Variants in SORCS2 observed in about 807,000 individuals in gnomAD.
SORCS2 encodes the protein sortilin related VPS10 domain containing receptor 2, also known as VPS10 domain-containing receptor SorCS2.
SORCS2 carries 100 observed loss-of-function variants against 141.6 expected under a neutral mutation model. The observed-to-expected ratio is 0.71, with a 90% CI of 0.60 to 0.83. The LOEUF (loss-of-function observed/expected upper bound fraction) is 0.83, where lower values mean the gene tolerates loss of function less well. Among genes scored for constraint, SORCS2 ranks in the 40% least tolerant of loss-of-function variants. The pLI, the probability that SORCS2 is intolerant of heterozygous loss-of-function variation, is 0.00. For synonymous variants in SORCS2, 789 were observed against 676.9 expected (o/e 1.17, Z -2.57); for missense variants, 1,646 against 1,560.2 (o/e 1.05, Z -0.93).
intron 1 of SORCS2, among the ~76,000 whole-genome samples, chr4:7,299,824 T>C (rs1214357889): frequency 6.6e-6 from 1 of 152,162 alleles, no homozygotes; most frequent in African/African-American, 2.4e-5. Context: ...CTCTCTGTGT[T>C]CCCATCTTAC....
intron 1 of SORCS2, among the ~76,000 whole-genome samples, chr4:7,302,328 G>A (rs1185808654): frequency 6.6e-6 from 1 of 152,222 alleles, no homozygotes; most frequent in African/African-American, 2.4e-5. Context: ...TAGTGGCTGT[G>A]CAGTGGTTCC....
At chr4:7,355,542 C>T (rs6842626) in intron 1 of SORCS2, among the ~76,000 whole-genome samples, 152,211 of 152,238 alleles carry the variant, frequency 1, 76,092 homozygotes, top group Non-Finnish European at 1. Flanking sequence ...GCCTTCACCG[C>T]GTGGCTCTGC....
intron 1 of SORCS2, among the ~76,000 whole-genome samples, chr4:7,319,028 A>G (rs1450099060): frequency 6.6e-6 from 1 of 152,154 alleles, no homozygotes; most frequent in Non-Finnish European, 1.5e-5. Context: ...AGCATAATGC[A>G]TTTGCAATTC....
chr4:7,305,795 C>A (rs573241646), intron 1 of SORCS2, among the ~76,000 whole-genome samples: 1 of 152,172 alleles, frequency 6.6e-6, no homozygotes, highest in Admixed American at 6.5e-5. Context: ...GGGCTGGGCC[C>A]GGGCACGCCC....
chr4:7,257,276 G>A (rs1166081279), intron 1 of SORCS2, among the ~76,000 whole-genome samples: 1 of 151,534 alleles, frequency 6.6e-6, no homozygotes, highest in Non-Finnish European at 1.5e-5. Context: ...GGCGCCAGGA[G>A]TGCCCACCAA....
chr4:7,639,025 G>C (rs970928237), intron 4 of SORCS2, among the ~76,000 whole-genome samples: 21 of 152,260 alleles, frequency 1.4e-4, no homozygotes, highest in African/African-American at 5.1e-4. Flanking sequence ...GGGGGAGCGG[G>C]GGGCCAGCCT....
chr4:7,228,660 T>G (rs1711580614), intron 1 of SORCS2, among the ~76,000 whole-genome samples: 1 of 152,038 alleles, frequency 6.6e-6, no homozygotes. Flanking sequence ...CTGAGGGCAC[T>G]CAGGACCTGA....
At position 7,531,080 on chromosome 4, in the gene SORCS2, G is replaced by T. The variant is rs550525679; in HGVS notation, c.549-450G>T. Among the ~76,000 whole-genome samples the T allele has an allele frequency of 2.6e-5, 4 of 152,224 alleles. No homozygotes were observed. The South Asian group carries it at 8.3e-4, about 32-fold the overall frequency. ...AGCAGATAGGCCACAGGAATGCCTC[G>T]GCACAGCCACCAGCCTGAAATCAGA... On this transcript the variant is annotated intron_variant, in intron 2 of 26. Coordinates refer to ENST00000507866, the MANE Select transcript of SORCS2 (RefSeq NM_020777.3).
chr4:7,585,431 G>A (rs2108765735), intron 3 of SORCS2, among the ~76,000 whole-genome samples: 1 of 152,294 alleles, frequency 6.6e-6, no homozygotes, highest in South Asian at 2.1e-4. Flanking sequence ...GGGCCCTCAG[G>A]AGGTGACCTG....
At chr4:7,565,233 C>G (rs562720449) in intron 3 of SORCS2, among the ~76,000 whole-genome samples, 2 of 152,204 alleles carry the variant, frequency 1.3e-5, no homozygotes, top group South Asian at 4.2e-4. Flanking sequence ...AAACAACTTC[C>G]CCGGCTGACC....
At chr4:7,235,402 T>C (rs913274378) in intron 1 of SORCS2, among the ~76,000 whole-genome samples, 18 of 152,304 alleles carry the variant, frequency 1.2e-4, no homozygotes, top group African/African-American at 4.3e-4. Context: ...GAGCAAGAAA[T>C]GGAGGCTCAG....
rs1389738946 is a variant in SORCS2 at position 7,664,778 on chromosome 4, C to T, written c.1071+307C>T. Among the ~76,000 whole-genome samples the T allele has an allele frequency of 1.3e-5, 2 of 152,150 alleles. No homozygotes were observed. Among genetic ancestry groups the T allele is most frequent in the African/African-American group, 4.8e-5 (2 of 41,444 alleles). On this transcript the variant is annotated intron_variant, in intron 7 of 26. Coordinates refer to ENST00000507866, the MANE Select transcript of SORCS2 (RefSeq NM_020777.3). This position sits in a 1 kb window ranked among gnomAD's most constrained non-coding sequence, Gnocchi z 4.7. ...TAGCCCCATTTGGCTTTATCAGTGA[C>T]TTTGGAACTGACCAGGACTGCTTCT...
At chr4:7,558,270 G>A (rs539056363) in intron 3 of SORCS2, among the ~76,000 whole-genome samples, 10 of 152,202 alleles carry the variant, frequency 6.6e-5, no homozygotes, top group Non-Finnish European at 1.3e-4. Flanking sequence ...TGGGGCTGAG[G>A]GATTCTGTGT....
intron 8 of SORCS2, among the ~76,000 whole-genome samples, chr4:7,668,063 T>G (rs1434474329): frequency 2.0e-5 from 3 of 152,170 alleles, no homozygotes. Context: ...TCCTCCACAT[T>G]TATTTACTGA....
rs558114045 is a variant in SORCS2 at position 7,394,523 on chromosome 4, G to T, written c.481-1765G>T. Among the ~76,000 whole-genome samples the T allele has an allele frequency of 2.2e-4, 33 of 148,836 alleles. No individual in the cohort carries two copies. In the South Asian group the frequency reaches 6.7e-3, roughly 30 times the overall value. ...AATTCACCGAGGAAATAGGGCTGGG[G>T]GATTTGGGGAAGAGCATCCCAGGGT... On this transcript the variant is annotated intron_variant, in intron 1 of 26. Transcript: ENST00000507866.
intron 2 of SORCS2, among the ~76,000 whole-genome samples, chr4:7,426,390 G>T (rs73086323): frequency 6.6e-6 from 1 of 151,052 alleles, no homozygotes; most frequent in Non-Finnish European, 1.5e-5. Context: ...ACACTGCCCC[G>T]CTGAGGGTGG....
chr4:7,372,766 C>G (rs1722339970), intron 1 of SORCS2, among the ~76,000 whole-genome samples: 3 of 152,152 alleles, frequency 2.0e-5, no homozygotes, highest in Admixed American at 2.0e-4. Context: ...GCCCTGGACC[C>G]CCTGAGTCTG....
intron 18 of SORCS2, among the ~76,000 whole-genome samples, chr4:7,722,370 T>A (rs1158671434): frequency 6.6e-6 from 1 of 152,168 alleles, no homozygotes; most frequent in Non-Finnish European, 1.5e-5. Context: ...TTGGAGAGCC[T>A]CAGTCTTCTA....
At chr4:7,369,506 G>T (rs191927667) in intron 1 of SORCS2, among the ~76,000 whole-genome samples, 274 of 152,334 alleles carry the variant, frequency 1.8e-3, no homozygotes, top group African/African-American at 6.0e-3. Flanking sequence ...GCACAGAGCC[G>T]TATTTGCTAA....
Sources: gnomAD v4.1 joint callset for allele counts (sites outside exome capture counted in the v4.1 genomes callset) on GRCh38, gnomAD v4.1.1 for gene constraint, Gnocchi (gnomAD v3.1) non-coding constraint, MANE v1.5 for transcripts, NCBI Gene and HGNC (gene_info 2026-07-23, HGNC 2026-07-21) for gene names.